The following RPS6KA2 variants were observed in gnomAD, a reference collection of about 807,000 sequenced individuals.
RPS6KA2 encodes ribosomal protein S6 kinase alpha-2.
Under a neutral mutation model 91.8 loss-of-function variants are expected in RPS6KA2, and 42 were observed. The ratio of observed to expected loss-of-function variants is 0.46; its 90% CI spans 0.36 to 0.59. The LOEUF (loss-of-function observed/expected upper bound fraction) is 0.59. Ranked by LOEUF, RPS6KA2 falls within the 20% of genes least tolerant of loss-of-function variation. The pLI is 0.00. For synonymous variants in RPS6KA2, 414 were observed against 393.6 expected (o/e 1.05, Z -0.61); for missense variants, 798 against 978.5 (o/e 0.82, Z 2.46).
chr6:166,510,158 G>A, intron 4 of RPS6KA2, 119 bp downstream of exon 4: 1 of 565,056 alleles, frequency 1.8e-6, no homozygotes, highest in Non-Finnish European at 3.2e-6. Context: ...GGCAGGGCAG[G>A]ACTCTATGGT....
intron 16 of RPS6KA2, among the ~76,000 whole-genome samples, chr6:166,429,533 C>A (rs1779051620): frequency 6.6e-6 from 1 of 152,210 alleles, no homozygotes; most frequent in Non-Finnish European, 1.5e-5. Flanking sequence ...TCATTGCAAC[C>A]TCTGCCTCCC....
intron 3 of RPS6KA2, among the ~76,000 whole-genome samples, chr6:166,519,104 C>G (rs989355871): frequency 6.6e-6 from 1 of 152,232 alleles, no homozygotes; most frequent in East Asian, 1.9e-4. Flanking sequence ...ATGCTGAGTA[C>G]GTTCAAGCCG....
chr6:166,757,383 T>A, intron 2 of RPS6KA2: 1 of 384,592 alleles, frequency 2.6e-6, no homozygotes, highest in East Asian at 7.8e-5. Context: ...CCGAGACCTG[T>A]GTTCATGATC....
chr6:166,656,709 C>T (rs952500344), intron 2 of RPS6KA2, among the ~76,000 whole-genome samples: 2 of 152,332 alleles, frequency 1.3e-5, no homozygotes, highest in South Asian at 2.1e-4. Flanking sequence ...CAGCACTGCG[C>T]GGTTCACCTG....
rs1427001236 is a variant in RPS6KA2 at position 166,563,196 on chromosome 6, G to A, written c.100-24412C>T. Among the ~76,000 whole-genome samples the A allele has an allele frequency of 1.3e-5, 2 of 152,172 alleles. No individual in the cohort carries two copies. Among genetic ancestry groups the A allele is most frequent in the Admixed American group, 6.5e-5 (1 of 15,284 alleles). On this transcript the variant is annotated intron_variant, in intron 1 of 20. Transcript: ENST00000265678. The surrounding 1 kb of genome is among the most constrained non-coding windows in gnomAD (Gnocchi z 4.1). ...AAGGGGTCCTGGTGGCTTTTCCGGGGTAGTGGAGACACCGCCACGTCTGTG... is the reference window on the plus strand; with the variant it reads ...AAGGGGTCCTGGTGGCTTTTCCGGGATAGTGGAGACACCGCCACGTCTGTG...
intron 2 of RPS6KA2, among the ~76,000 whole-genome samples, chr6:166,746,242 TCCTGCACC>T: frequency 6.6e-6 from 1 of 152,268 alleles, no homozygotes; most frequent in Middle Eastern, 3.4e-3. Flanking sequence ...TCCTCTGAGC[TCCTGCACC>T]CCTGCACCTA....
In RPS6KA2 at chr6:166,433,462, C is replaced by T. The variant is rs746912576; in HGVS notation, c.1333-972G>A. On this transcript the variant is annotated intron_variant, in intron 14 of 20. Transcript: ENST00000265678. The surrounding 1 kb of genome is among the most constrained non-coding windows in gnomAD (Gnocchi z 4.4). ...AATCCCTCTGGAGGTGCCTAAGTCC[C>T]GCCCTTGCCGCCCCTGCTGTGGGGA... 2.6e-5 allele frequency among the ~76,000 whole-genome samples: 4 copies of T among 152,186 alleles called. No homozygotes were observed. The highest frequency in any genetic ancestry group is 6.5e-5 in the Admixed American group (1 of 15,276).
intron 2 of RPS6KA2, among the ~76,000 whole-genome samples, chr6:166,536,405 G>A (rs1019190025): frequency 6.6e-6 from 1 of 152,288 alleles, no homozygotes; most frequent in Middle Eastern, 3.4e-3. Flanking sequence ...ATACAGTAAC[G>A]TGGGGCATTA....
chr6:166,442,918 G>T (rs1779565487), intron 14 of RPS6KA2, among the ~76,000 whole-genome samples: 1 of 152,086 alleles, frequency 6.6e-6, no homozygotes, highest in African/African-American at 2.4e-5. Context: ...CAACATGGGG[G>T]TTAGAGGTAC....
chr6:166,532,229 T>C (rs978967749), intron 2 of RPS6KA2, among the ~76,000 whole-genome samples: 1 of 152,166 alleles, frequency 6.6e-6, no homozygotes, highest in African/African-American at 2.4e-5. Flanking sequence ...AAACTCCAGG[T>C]GGCCCAAGTG....
intron 1 of RPS6KA2, among the ~76,000 whole-genome samples, chr6:166,617,523 C>T (rs1351612110): frequency 6.6e-6 from 1 of 152,168 alleles, no homozygotes; most frequent in African/African-American, 2.4e-5. Flanking sequence ...CCAGCACCAC[C>T]TCATGCTGTT....
intron 2 of RPS6KA2, among the ~76,000 whole-genome samples, chr6:166,711,641 TCGAG>T (rs1292005933): frequency 6.6e-6 from 1 of 150,682 alleles, no homozygotes; most frequent in Non-Finnish European, 1.5e-5. Context: ...AATAGCTGAG[TCGAG>T]GGAACAAAGG....
intron 1 of RPS6KA2, among the ~76,000 whole-genome samples, chr6:166,597,875 C>A (rs1348077129): frequency 6.6e-6 from 1 of 152,138 alleles, no homozygotes; most frequent in African/African-American, 2.4e-5. Flanking sequence ...GTGTGCCAGC[C>A]CCAGCCGGGC....
intron 1 of RPS6KA2, among the ~76,000 whole-genome samples, chr6:166,592,496 C>G (rs906256083): frequency 1.3e-5 from 2 of 152,276 alleles, no homozygotes; most frequent in Middle Eastern, 3.4e-3. Context: ...AAGTGAGGAG[C>G]TGGAATGTGA....
At chr6:166,527,118 G>A (rs1445382183) in intron 3 of RPS6KA2, among the ~76,000 whole-genome samples, 1 of 152,200 alleles carries the variant, frequency 6.6e-6, no homozygotes, top group African/African-American at 2.4e-5. Context: ...AGCCCTGAGG[G>A]AGTCCAGGCT....
At chr6:166,640,135 T>C (rs952186351) in intron 2 of RPS6KA2, among the ~76,000 whole-genome samples, 17 of 151,734 alleles carry the variant, frequency 1.1e-4, no homozygotes, top group African/African-American at 3.6e-4. Context: ...ACATAAATTA[T>C]AGAGGAATTC....
intron 2 of RPS6KA2, among the ~76,000 whole-genome samples, chr6:166,678,956 A>G (rs970418308): frequency 2.0e-5 from 3 of 152,210 alleles, no homozygotes; most frequent in Admixed American, 2.0e-4. Context: ...TTTGAGTATG[A>G]CTTTTTTTGA....
intron 2 of RPS6KA2, among the ~76,000 whole-genome samples, chr6:166,722,261 C>T (rs974705908): frequency 6.6e-6 from 1 of 152,096 alleles, no homozygotes; most frequent in Non-Finnish European, 1.5e-5. Context: ...CATGCTGGAA[C>T]GTGAGCTTGG....
At position 166,458,041 on chromosome 6, in the gene RPS6KA2, C is replaced by T. The variant is rs146575630; in HGVS notation, c.1075+1408G>A. ...GCTTGTGGATGGTTTTGTACATAAC[C>T]AGCATACTGTTAGTGTTGTGGACTG... On this transcript the variant is annotated intron_variant, in intron 12 of 20. Transcript: ENST00000265678. Among the ~76,000 whole-genome samples, 344 of 152,262 alleles carry T rather than the reference C, an allele frequency of 2.3e-3. 1 individual carries two copies. Among genetic ancestry groups the T allele is most frequent in the African/African-American group, 7.3e-3 (302 of 41,554 alleles).
Sources: gnomAD v4.1 joint callset for allele counts (sites outside exome capture counted in the v4.1 genomes callset) on GRCh38, gnomAD v4.1.1 for gene constraint, Gnocchi (gnomAD v3.1) non-coding constraint, MANE v1.5 for transcripts, NCBI Gene and HGNC (gene_info 2026-07-23, HGNC 2026-07-21) for gene names.